Variants in TRAM2 observed in about 807,000 individuals in gnomAD.
TRAM2 encodes the protein translocation associated membrane protein 2, also known as translocating chain-associated membrane protein 2.
In TRAM2, 12 loss-of-function variants were observed where a neutral mutation model predicts 51.0. That is an observed-to-expected ratio of 0.24 (90% confidence interval 0.15 to 0.38). The LOEUF is 0.38. TRAM2 is among the 10% of genes least tolerant of loss of function. The pLI, the probability that TRAM2 is intolerant of heterozygous loss-of-function variation, is 1.00. For missense variants in TRAM2, 361 were observed against 462.0 expected (o/e 0.78, Z 2.00); for synonymous variants, 175 against 179.4 (o/e 0.98, Z 0.20).
intron 1 of TRAM2, among the ~76,000 whole-genome samples, chr6:52,561,027 C>T (rs1042438716): frequency 2.0e-5 from 3 of 152,110 alleles, no homozygotes; most frequent in African/African-American, 4.8e-5. Context: ...AAATGCACTT[C>T]GCAGTACAAT....
intron 1 of TRAM2, among the ~76,000 whole-genome samples, chr6:52,554,206 G>A (rs1213918274): frequency 2.6e-5 from 4 of 152,176 alleles, no homozygotes; most frequent in African/African-American, 9.7e-5. Flanking sequence ...GGGATGCGGA[G>A]GCAGGGCATC....
chr6:52,505,965 C>T (rs887360805), intron 8 of TRAM2, 67 bp downstream of exon 8: 1 of 1,559,116 alleles, frequency 6.4e-7, no homozygotes, highest in Non-Finnish European at 8.8e-7. Flanking sequence ...ACCCTCCAAC[C>T]ATCCGGGCCT....
chr6:52,530,721 G>A (rs889258350), intron 2 of TRAM2, among the ~76,000 whole-genome samples: 4 of 152,122 alleles, frequency 2.6e-5, no homozygotes, highest in Admixed American at 2.6e-4. Context: ...CAAGGAGCGC[G>A]GCCCCTCTGC....
intron 4 of TRAM2, among the ~76,000 whole-genome samples, chr6:52,513,761 G>C (rs920330475): frequency 1.2e-4 from 19 of 152,206 alleles, no homozygotes; most frequent in Non-Finnish European, 7.3e-5. Flanking sequence ...CGATTTCACT[G>C]CAAGTGTGAT....
At chr6:52,529,080 A>G (rs1471335034) in intron 2 of TRAM2, among the ~76,000 whole-genome samples, 1 of 152,046 alleles carries the variant, frequency 6.6e-6, no homozygotes, top group East Asian at 1.9e-4. Context: ...TTTAGTAGAG[A>G]TGGGGTTTCA....
Position 52,516,220 on chromosome 6 carries a change from C to G in TRAM2, c.295-98G>C. On this transcript the variant is annotated intron_variant, in intron 3 of 10. Coordinates refer to ENST00000182527, the MANE Select transcript of TRAM2 (RefSeq NM_012288.4). ...TTCTCCCCACAGAAGGGTTGAACATCGTTAGAAGTTTGCAGCTGGCCATAA... is the reference window on the plus strand; with the variant it reads ...TTCTCCCCACAGAAGGGTTGAACATGGTTAGAAGTTTGCAGCTGGCCATAA... The G allele has an allele frequency of 6.2e-6, 7 of 1,137,024 alleles. No homozygotes were observed. The East Asian group carries it at 1.2e-4, about 19-fold the overall frequency. The allele number at this position is 1,137,024 out of a possible 1,614,324, so 70.4% of individuals were successfully genotyped here.
At chr6:52,562,664 C>T (rs1051503212) in intron 1 of TRAM2, among the ~76,000 whole-genome samples, 7 of 152,122 alleles carry the variant, frequency 4.6e-5, no homozygotes, top group African/African-American at 1.7e-4. Context: ...CACCCATCAA[C>T]CTGTCACCTA....
At chr6:52,545,158 A>C (rs1767176090) in intron 1 of TRAM2, among the ~76,000 whole-genome samples, 1 of 152,174 alleles carries the variant, frequency 6.6e-6, no homozygotes, top group Non-Finnish European at 1.5e-5. Context: ...TGCAGGGCAA[A>C]GGTGGCCCAG....
Position 52,503,156 on chromosome 6 carries a change from CG to C in TRAM2, c.*40del, listed in dbSNP as rs760429934. 1 of 1,562,884 alleles carries C rather than the reference CG, an allele frequency of 6.4e-7. No homozygotes were observed. Among genetic ancestry groups the C allele is most frequent in the Non-Finnish European group, 8.8e-7 (1 of 1,133,632 alleles). ...GGGCCTGGGCTCCTTGCCCCCTGCT[CG>C]GCCCCCACCAAGAGGATTCCTGTTC... On this transcript the variant is annotated 3_prime_UTR_variant, in exon 11 of 11. Coordinates refer to ENST00000182527, the MANE Select transcript of TRAM2 (RefSeq NM_012288.4).
chr6:52,560,642 A>G (rs1207197296), intron 1 of TRAM2, among the ~76,000 whole-genome samples: 2 of 152,230 alleles, frequency 1.3e-5, no homozygotes, highest in African/African-American at 2.4e-5. Flanking sequence ...TGGCATCTCC[A>G]TGGAGTTCAC....
intron 1 of TRAM2, among the ~76,000 whole-genome samples, chr6:52,553,176 T>G (rs1581697901): frequency 6.6e-6 from 1 of 152,198 alleles, no homozygotes; most frequent in Non-Finnish European, 1.5e-5. Context: ...GCATTCCTAA[T>G]CCTCCCTGCC....
intron 1 of TRAM2, among the ~76,000 whole-genome samples, chr6:52,541,811 T>TG (rs1767087427): frequency 1.3e-5 from 2 of 151,472 alleles, no homozygotes; most frequent in Admixed American, 1.3e-4. Context: ...CTGTTTTTTT[T>TG]TTTTTTGGCA....
intron 2 of TRAM2, among the ~76,000 whole-genome samples, chr6:52,519,884 A>C (rs1766635974): frequency 6.6e-6 from 1 of 152,102 alleles, no homozygotes; most frequent in Non-Finnish European, 1.5e-5. Context: ...TAAGTTGAAT[A>C]AGTCAGTCAC....
At position 52,577,011 on chromosome 6, in the gene TRAM2, C is replaced by A. The variant is rs1767782807; in HGVS notation, c.-96G>T. 3.1e-6 allele frequency: 4 copies of A among 1,298,022 alleles called. No homozygotes were observed. Among genetic ancestry groups the A allele is most frequent in the Non-Finnish European group, 3.9e-6 (4 of 1,023,912 alleles). 80.4% of individuals were successfully genotyped at this position (1,298,022 alleles called of 1,614,324 possible). Reference sequence around the variant, plus strand: ...CACCGGCCCGGTCCGCCCGCCGGCCCGCCGCCCGCTCTCCCACAGCCGCTC... The same window carrying A: ...CACCGGCCCGGTCCGCCCGCCGGCCAGCCGCCCGCTCTCCCACAGCCGCTC... On this transcript the variant is annotated 5_prime_UTR_variant, in exon 1 of 11. Transcript: ENST00000182527.
intron 1 of TRAM2, among the ~76,000 whole-genome samples, chr6:52,565,496 T>C (rs1240740437): frequency 6.6e-6 from 1 of 152,082 alleles, no homozygotes; most frequent in East Asian, 1.9e-4. Flanking sequence ...ATGGGGATGG[T>C]GGTATGGGAG....
intron 1 of TRAM2, among the ~76,000 whole-genome samples, chr6:52,574,398 G>A (rs1295013433): frequency 2.0e-5 from 3 of 152,184 alleles, no homozygotes; most frequent in Non-Finnish European, 4.4e-5. Context: ...GGTGGGTAAA[G>A]ACAGTGAGGC....
chr6:52,534,799 T>C (rs1766950951), intron 2 of TRAM2, among the ~76,000 whole-genome samples: 1 of 152,196 alleles, frequency 6.6e-6, no homozygotes, highest in African/African-American at 2.4e-5. Flanking sequence ...AGATAGACCC[T>C]CTCCCCTGTC....
intron 1 of TRAM2, among the ~76,000 whole-genome samples, chr6:52,540,876 T>A (rs1178892794): frequency 6.6e-6 from 1 of 152,196 alleles, no homozygotes; most frequent in Non-Finnish European, 1.5e-5. Context: ...AACACTGAAT[T>A]ATGTAGGAAG....
Position 52,500,926 on chromosome 6 carries a change from A to T in TRAM2, c.*2271T>A, listed in dbSNP as rs1309656667. On this transcript the variant is annotated 3_prime_UTR_variant, in exon 11 of 11. Transcript: ENST00000182527. ...TCCTGCATGTGAAGCCCTGCCAATGACACAGCCTGGAGAGCACCTAGGATG... is the reference window on the plus strand; with the variant it reads ...TCCTGCATGTGAAGCCCTGCCAATGTCACAGCCTGGAGAGCACCTAGGATG... The T allele has an allele frequency of 1.3e-5, 2 of 152,268 alleles. No individual in the cohort carries two copies. Among genetic ancestry groups the T allele is most frequent in the Non-Finnish European group, 1.5e-5 (1 of 68,082 alleles). 9.4% of individuals were successfully genotyped at this position (152,268 alleles called of 1,614,324 possible).
Sources: gnomAD v4.1 joint callset for allele counts (sites outside exome capture counted in the v4.1 genomes callset) on GRCh38, gnomAD v4.1.1 for gene constraint, MANE v1.5 for transcripts, NCBI Gene and HGNC (gene_info 2026-07-23, HGNC 2026-07-21) for gene names.